PCAT7: variants seen among roughly 807,000 people sequenced by gnomAD.
PCAT7 encodes prostate cancer associated transcript 7 (non-protein coding).
chr9:94,555,203 G>A (rs1340633671), exon 1 of PCAT7: 1 of 152,080 alleles, frequency 6.6e-6, no homozygotes, highest in Non-Finnish European at 1.5e-5. Context: ...AGAAGACCAG[G>A]AAAAGGAGTC....
At chr9:94,563,391 T>G (rs766114356) in intron 2 of PCAT7, 2 of 1,614,058 alleles carry the variant, frequency 1.2e-6, no homozygotes, top group South Asian at 1.1e-5. Flanking sequence ...GATTCCTCCA[T>G]AGACCAGGGT....
chr9:94,570,074 A>G (rs942735202), intron 2 of PCAT7: 18 of 152,196 alleles, frequency 1.2e-4, no homozygotes, highest in African/African-American at 4.3e-4. Context: ...GAAAGATGCT[A>G]TGGTTCATCT....
chr9:94,567,443 G>A, intron 2 of PCAT7: 2 of 1,573,396 alleles, frequency 1.3e-6, no homozygotes, highest in South Asian at 1.1e-5. Flanking sequence ...GAAGAAGAGA[G>A]AAGCCAGGAA....
intron 2 of PCAT7, among the ~76,000 whole-genome samples, chr9:94,560,456 C>T (rs1345852458): frequency 6.6e-6 from 1 of 152,088 alleles, no homozygotes; most frequent in African/African-American, 2.4e-5. Context: ...TTCAGGGTGT[C>T]GTTCTGGCCG....
rs3864789 is a variant in PCAT7 at position 94,571,687 on chromosome 9, C to T, written n.442-1292C>T. 20,840 of 1,237,352 alleles carry T rather than the reference C, an allele frequency of 0.017. 2,615 individuals are homozygous for T. The African/African-American group carries it at 0.27, about 16-fold the overall frequency. The allele number at this position is 1,237,352 out of a possible 1,614,324, so 76.6% of individuals were successfully genotyped here. A position where few individuals can be genotyped will look rare whatever the true frequency, so the allele number is the denominator to read the frequency against. On this transcript the variant is annotated intron_variant and non_coding_transcript_variant, in intron 2 of 8. Transcript: ENST00000647389. ...CAGGGGCCTGGGCTTCAGATCTCCT[C>T]GAATCACTGAAGGAAGCGCGGTTCT...
At chr9:94,554,894 C>T (rs760207900), upstream of PCAT7, among the ~76,000 whole-genome samples, 2 of 152,148 alleles carry the variant, frequency 1.3e-5, no homozygotes, top group Non-Finnish European at 2.9e-5. Context: ...AGAAATGACG[C>T]GCCGCTGCCT....
chr9:94,555,579 T>C (rs1470583060), intron 1 of PCAT7, among the ~76,000 whole-genome samples: 1 of 82,600 alleles, frequency 1.2e-5, no homozygotes, highest in Admixed American at 1.5e-4. Context: ...GAGGAAAGAG[T>C]GGTGAGGGGG....
At chr9:94,563,350 T>C in intron 2 of PCAT7, 3 of 1,614,034 alleles carry the variant, frequency 1.9e-6, no homozygotes, top group Non-Finnish European at 2.5e-6. Flanking sequence ...ACCTTGCCCT[T>C]AGGGCTCTTC....
intron 2 of PCAT7, chr9:94,567,276 G>A: frequency 6.2e-7 from 1 of 1,614,108 alleles, no homozygotes; most frequent in Non-Finnish European, 8.5e-7. Flanking sequence ...TCACCTCAGG[G>A]AATTTCTTTT....
At chr9:94,571,507 C>A (rs1468714822) in intron 2 of PCAT7, 3 of 1,613,962 alleles carry the variant, frequency 1.9e-6, no homozygotes, top group Non-Finnish European at 2.5e-6. Context: ...TGGAGAGAGC[C>A]ACCAGGGTTG....
rs377238107 is a variant in PCAT7 at position 94,564,164 on chromosome 9, A to C, written n.441+5012A>C. 8.3e-4 allele frequency among the ~76,000 whole-genome samples: 126 copies of C among 152,340 alleles called. 2 individuals carry two copies. In the South Asian group the frequency reaches 0.025, roughly 31 times the overall value. On this transcript the variant is annotated intron_variant and non_coding_transcript_variant, in intron 2 of 8. Transcript: ENST00000647389. ...GACATCTATAGAACTCTCCACCCAA[A>C]ACCAGAAAAATATACATTCTTCTCA...
At chr9:94,562,950 A>T (rs917816951) in intron 2 of PCAT7, among the ~76,000 whole-genome samples, 1 of 152,206 alleles carries the variant, frequency 6.6e-6, no homozygotes, top group Non-Finnish European at 1.5e-5. Context: ...GTACGTTTAC[A>T]TGCATTTGTT....
chr9:94,563,792 G>A (rs1827144925), intron 2 of PCAT7, among the ~76,000 whole-genome samples: 1 of 152,062 alleles, frequency 6.6e-6, no homozygotes, highest in Non-Finnish European at 1.5e-5. Flanking sequence ...CAAAATAAAG[G>A]GATGGAAGCC....
intron 2 of PCAT7, chr9:94,563,379 A>C: frequency 6.2e-7 from 1 of 1,614,166 alleles, no homozygotes; most frequent in Non-Finnish European, 8.5e-7. Flanking sequence ...TGGGTACAGG[A>C]AGATTCCTCC....
exon 2 of PCAT7, chr9:94,559,069 T>C (rs781654714): frequency 6.2e-7 from 1 of 1,614,014 alleles, no homozygotes; most frequent in South Asian, 1.1e-5. Flanking sequence ...GTCCCCGTGG[T>C]CGCCAAGCCT....
chr9:94,555,371 A>G (rs1826992857), intron 1 of PCAT7: 1 of 151,774 alleles, frequency 6.6e-6, no homozygotes, highest in Admixed American at 6.6e-5. Context: ...GGTTAGTGCC[A>G]AAGGGAAAAA....
At chr9:94,555,520 A>G (rs185185188) in intron 1 of PCAT7, among the ~76,000 whole-genome samples, 29 of 149,806 alleles carry the variant, frequency 1.9e-4, no homozygotes, top group Non-Finnish European at 3.7e-4. Context: ...GACGGTGGGT[A>G]GAAAGTTTAT....
intron 2 of PCAT7, among the ~76,000 whole-genome samples, chr9:94,562,920 G>A (rs767189774): frequency 2.0e-5 from 3 of 152,158 alleles, no homozygotes; most frequent in Non-Finnish European, 2.9e-5. Flanking sequence ...CTCCCTCAAC[G>A]TGTAATTTGT....
At chr9:94,571,562 C>G (rs1271032106) in intron 2 of PCAT7, 5 of 1,613,782 alleles carry the variant, frequency 3.1e-6, no homozygotes, top group South Asian at 1.1e-5. Context: ...ATTGCGGCCA[C>G]ACTGCAGGGC....
Sources: allele counts gnomAD v4.1 joint callset (sites outside exome capture counted in the v4.1 genomes callset), GRCh38; gene constraint gnomAD v4.1.1; transcripts MANE v1.5; gene names NCBI Gene and HGNC (gene_info 2026-07-23, HGNC 2026-07-21).